The following MCM5 variants were observed in gnomAD, a reference collection of about 807,000 sequenced individuals.
MCM5 encodes DNA replication licensing factor MCM5.
A neutral mutation model predicts 79.9 loss-of-function variants in MCM5; 46 were observed. That is an observed-to-expected ratio of 0.58 (90% CI 0.45 to 0.74). The LOEUF is 0.74. MCM5 is among the 30% of genes least tolerant of loss of function. The pLI, the probability that MCM5 is intolerant of heterozygous loss-of-function variation, is 0.00. For synonymous variants in MCM5, 404 were observed against 390.5 expected, an observed-to-expected ratio of 1.03 and a Z score of -0.41; for missense variants, 883 against 1,017.0, an observed-to-expected ratio of 0.87 and a Z score of 1.79.
chr22:35,428,871 C>T (rs577168220), downstream of MCM5, among the ~76,000 whole-genome samples: 4 of 150,516 alleles, frequency 2.7e-5, no homozygotes, highest in South Asian at 8.5e-4. Context: ...CAGTGCACTA[C>T]AGCCTTGAAC....
chr22:35,412,746 T>C, intron 8 of MCM5, 65 bp downstream of exon 8: 1 of 1,305,836 alleles, frequency 7.7e-7, no homozygotes, highest in Non-Finnish European at 1.0e-6. Flanking sequence ...GTAGGATAAT[T>C]ACTGGATAAT....
At chr22:35,435,465 G>A in the MCM5 span, among the ~76,000 whole-genome samples, 146 of 152,344 alleles carry the variant, frequency 9.6e-4, no homozygotes, top group Non-Finnish European at 1.3e-3. Flanking sequence ...GGAGGAAGAA[G>A]GTGGTGGCCA....
the MCM5 span, among the ~76,000 whole-genome samples, chr22:35,440,092 A>G: frequency 6.6e-6 from 1 of 152,236 alleles, no homozygotes; most frequent in Non-Finnish European, 1.5e-5. Flanking sequence ...CATCATTTTT[A>G]CACACTTGTA....
chr22:35,421,386 A>T lies in MCM5; in HGVS notation c.1901A>T (p.Glu634Val). ...SKMKLQPFATEADVEEALRLF... is the reference protein window; with the variant it reads ...SKMKLQPFATVADVEEALRLF... ...ATGAAGCTGCAGCCCTTCGCCACAGAGGCAGATGTGGAGGAGGCCCTGCGG... is the reference window on the plus strand; with the variant it reads ...ATGAAGCTGCAGCCCTTCGCCACAGTGGCAGATGTGGAGGAGGCCCTGCGG... The change falls in exon 15 of 17, where the codon GAG becomes GTG. Residue 634 changes from glutamate to valine, a missense_variant. Glu to Val is a moderately radical substitution (Grantham distance 121). Transcript: ENST00000216122. 1.2e-6 allele frequency: 2 copies of T among 1,614,138 alleles called. No homozygotes were observed. Among genetic ancestry groups the T allele is most frequent in the Non-Finnish European group, 1.7e-6 (2 of 1,180,014 alleles).
intron 7 of MCM5, 26 bp from the exon 8 acceptor site, chr22:35,412,484 C>T (rs1932411331): frequency 1.3e-6 from 2 of 1,509,870 alleles, no homozygotes; most frequent in Non-Finnish European, 1.8e-6. Context: ...CTTGTACTCA[C>T]TCATGCGCCT....
In MCM5 at chr22:35,403,360, C is replaced by T. The variant is rs767012343; in HGVS notation, c.294+27C>T. 5 of 1,614,104 alleles carry T rather than the reference C, an allele frequency of 3.1e-6. No individual in the cohort carries two copies. The East Asian group carries it at 1.1e-4, about 36-fold the overall frequency. On this transcript the variant is annotated intron_variant, in intron 3 of 16. Coordinates refer to ENST00000216122, the MANE Select transcript of MCM5 (RefSeq NM_006739.4). Reference sequence around the variant, plus strand: ...TGAGTGGGACCCCATCCCTGAGCTTCCCAGGGCTGCTCTGCCCCAGTTACT... The same window carrying T: ...TGAGTGGGACCCCATCCCTGAGCTTTCCAGGGCTGCTCTGCCCCAGTTACT...
downstream of MCM5, among the ~76,000 whole-genome samples, chr22:35,427,285 A>G (rs965474642): frequency 6.6e-6 from 1 of 152,226 alleles, no homozygotes; most frequent in Non-Finnish European, 1.5e-5. Context: ...CCATACTTCA[A>G]ATATGTTATT....
the MCM5 span, among the ~76,000 whole-genome samples, chr22:35,451,383 C>A: frequency 6.6e-6 from 1 of 152,258 alleles, no homozygotes; most frequent in East Asian, 1.9e-4. Flanking sequence ...GCGAAGAGAT[C>A]GGCCCCCTTG....
At chr22:35,444,188 G>GAA in the MCM5 span, among the ~76,000 whole-genome samples, 1 of 141,812 alleles carries the variant, frequency 7.1e-6, no homozygotes, top group African/African-American at 2.8e-5. Context: ...AGAGAGAAGA[G>GAA]AACAGAGAAA....
At chr22:35,412,200 A>T (rs551327509) in intron 7 of MCM5, among the ~76,000 whole-genome samples, 1 of 152,320 alleles carries the variant, frequency 6.6e-6, no homozygotes, top group East Asian at 1.9e-4. Flanking sequence ...CATGACCAAG[A>T]CACTATATCA....
the MCM5 span, among the ~76,000 whole-genome samples, chr22:35,448,165 C>G: frequency 1.3e-5 from 2 of 152,208 alleles, no homozygotes; most frequent in Non-Finnish European, 2.9e-5. Context: ...GGGCCGGACT[C>G]TCTATGTCTC....
intron 4 of MCM5, among the ~76,000 whole-genome samples, chr22:35,404,068 C>T (rs2145783417): frequency 6.6e-6 from 1 of 152,298 alleles, no homozygotes. Flanking sequence ...TCTGATTGTG[C>T]CTCTCAGCAC....
chr22:35,417,483 G>C (rs1932576269), intron 12 of MCM5, among the ~76,000 whole-genome samples: 1 of 152,012 alleles, frequency 6.6e-6, no homozygotes, highest in Non-Finnish European at 1.5e-5. Context: ...AGTCGGGGTG[G>C]ACAAGCTGAA....
chr22:35,449,893 T>G, the MCM5 span, among the ~76,000 whole-genome samples: 1 of 152,208 alleles, frequency 6.6e-6, no homozygotes, highest in African/African-American at 2.4e-5. Context: ...GTGGACCTCC[T>G]GCCTCAGCCA....
chr22:35,433,395 C>T, the MCM5 span, among the ~76,000 whole-genome samples: 2 of 152,210 alleles, frequency 1.3e-5, no homozygotes, highest in African/African-American at 4.8e-5. Context: ...CTGACTGCAA[C>T]CTCTCTGACC....
At chr22:35,412,115 C>T (rs118090928) in intron 7 of MCM5, among the ~76,000 whole-genome samples, 116 of 152,356 alleles carry the variant, frequency 7.6e-4, no homozygotes, top group Middle Eastern at 3.4e-3. Context: ...CCTGGATCAC[C>T]GTTGATCCTC....
the MCM5 span, among the ~76,000 whole-genome samples, chr22:35,446,870 C>A: frequency 6.6e-6 from 1 of 152,176 alleles, no homozygotes; most frequent in African/African-American, 2.4e-5. Flanking sequence ...TAGTTCCCTC[C>A]GCAGAGACAA....
chr22:35,424,348 C>T lies in MCM5; in HGVS notation c.*93C>T. 2.3e-6 allele frequency: 2 copies of T among 883,600 alleles called. No homozygotes were observed. Among genetic ancestry groups the T allele is most frequent in the South Asian group, 3.4e-5 (2 of 58,310 alleles). 54.7% of individuals were successfully genotyped at this position (883,600 alleles called of 1,614,324 possible). On this transcript the variant is annotated 3_prime_UTR_variant, in exon 17 of 17. Transcript: ENST00000216122. ...ACAATGTTGCTGGGACCTCTGCCTC[C>T]CCACTGCAGCCCTCGAACTTCCCAG...
chr22:35,402,333 T>TG (rs896626008), intron 2 of MCM5, among the ~76,000 whole-genome samples: 15 of 148,858 alleles, frequency 1.0e-4, no homozygotes, highest in African/African-American at 3.7e-4. Context: ...TGTTTTTTGT[T>TG]TTTTTTTTTT....
Sources: gnomAD v4.1 joint callset for allele counts (sites outside exome capture counted in the v4.1 genomes callset) on GRCh38, gnomAD v4.1.1 for gene constraint, MANE v1.5 for transcripts, NCBI Gene and HGNC (gene_info 2026-07-23, HGNC 2026-07-21) for gene names.